Variants in WDR4 observed in about 807,000 individuals in gnomAD.
WDR4 encodes the protein WDR4 tRNA N7-guanosine methyltransferase non-catalytic subunit, also known as tRNA (guanine-N(7)-)-methyltransferase non-catalytic subunit WDR4.
A neutral mutation model predicts 48.6 loss-of-function variants in WDR4; 47 were observed. That is an observed-to-expected ratio of 0.97 (90% confidence interval 0.77 to 1.23). The LOEUF is 1.23. Among genes scored for constraint, WDR4 ranks in the 50% most tolerant of loss-of-function variants. The probability of loss-of-function intolerance (pLI) is 0.00; values close to 1 mark genes in which losing one functional copy is unlikely to be tolerated. For synonymous variants in WDR4, 268 were observed against 230.0 expected (o/e 1.17, Z -1.49); for missense variants, 606 against 551.6 (o/e 1.10, Z -0.99).
chr21:42,845,719 C>G (rs988011208), downstream of WDR4, among the ~76,000 whole-genome samples: 2 of 152,224 alleles, frequency 1.3e-5, no homozygotes, highest in Admixed American at 1.3e-4. Context: ...GCGTTTTCCA[C>G]GCTGGGGTCG....
upstream of WDR4, among the ~76,000 whole-genome samples, chr21:42,882,466 G>C (rs893535789): frequency 1.3e-5 from 2 of 151,514 alleles, no homozygotes; most frequent in African/African-American, 4.8e-5. Flanking sequence ...AGAAGGCTGA[G>C]GCAGGAGAAT....
intron 2 of WDR4, 96 bp from the exon 3 acceptor site, chr21:42,873,787 G>A (rs1162697475): frequency 6.9e-7 from 1 of 1,458,296 alleles, no homozygotes; most frequent in Non-Finnish European, 9.3e-7. Context: ...ATGGGAGGAG[G>A]TAGAAACTGT....
intron 10 of WDR4, among the ~76,000 whole-genome samples, chr21:42,850,974 G>A (rs2057811489): frequency 6.6e-6 from 1 of 152,146 alleles, no homozygotes; most frequent in African/African-American, 2.4e-5. Context: ...AGCAGGTGGC[G>A]CAGCCTCCCC....
chr21:42,867,997 G>T (rs559900026), intron 3 of WDR4, among the ~76,000 whole-genome samples: 8 of 152,004 alleles, frequency 5.3e-5, no homozygotes, highest in African/African-American at 1.9e-4. Flanking sequence ...CCCCCCACCC[G>T]CCCAGCCTGC....
In WDR4 at chr21:42,862,167, G is replaced by T; in HGVS notation, c.566+115C>A. On this transcript the variant is annotated intron_variant, in intron 5 of 10. Coordinates refer to ENST00000398208, the MANE Select transcript of WDR4 (RefSeq NM_018669.6). The surrounding 1 kb of genome is among the most constrained non-coding windows in gnomAD (Gnocchi z 4.3). ...CAGTGACCAAACACCAAGCACGGGG[G>T]CTGCTGTCACCCGCGTGGGGCCTCG... The T allele has an allele frequency of 1.1e-6, 1 of 893,934 alleles. No homozygotes were observed. Among genetic ancestry groups the T allele is most frequent in the Non-Finnish European group, 1.7e-6 (1 of 587,656 alleles). The allele number at this position is 893,934 out of a possible 1,614,324, so 55.4% of individuals were successfully genotyped here. A position where few individuals can be genotyped will look rare whatever the true frequency, so the allele number is the denominator to read the frequency against.
downstream of WDR4, among the ~76,000 whole-genome samples, chr21:42,848,504 A>ACCTCACACAGCACACGATCACG (rs1555970005): frequency 1.4e-4 from 2 of 13,882 alleles, no homozygotes; most frequent in East Asian, 1.6e-3. Context: ...GCACGATCAC[A>ACCTCACACAGCACACGATCACG]CGGCGCGCAC....
upstream of WDR4, among the ~76,000 whole-genome samples, chr21:42,881,825 G>A (rs180802707): frequency 1.1e-4 from 16 of 151,760 alleles, 1 homozygote; most frequent in East Asian, 1.9e-3. Context: ...TTTTTTTGAG[G>A]CGGAGTTTCA....
chr21:42,859,983 C>T (rs939555654), intron 5 of WDR4, among the ~76,000 whole-genome samples: 3 of 152,118 alleles, frequency 2.0e-5, no homozygotes, highest in South Asian at 4.1e-4. Flanking sequence ...TAACCCAGGC[C>T]GCTCCTCAGC....
chr21:42,852,473 G>C, intron 9 of WDR4, 149 bp from the exon 10 acceptor site: 1 of 820,100 alleles, frequency 1.2e-6, no homozygotes, highest in Admixed American at 2.7e-5. Context: ...TGGAGACCTG[G>C]GGAGGCAGCC....
the WDR4 span, among the ~76,000 whole-genome samples, chr21:42,891,530 A>C: frequency 6.6e-6 from 1 of 152,064 alleles, no homozygotes; most frequent in African/African-American, 2.4e-5. Context: ...TCCATGAAGG[A>C]GGGTGACGTG....
At position 42,862,263 on chromosome 21, in the gene WDR4, G is replaced by A. The variant is rs770174377; in HGVS notation, c.566+19C>T. The A allele has an allele frequency of 4.4e-6, 7 of 1,581,878 alleles. No homozygotes were observed. The highest frequency in any genetic ancestry group is 8.6e-7 in the Non-Finnish European group (1 of 1,161,778). On this transcript the variant is annotated intron_variant, in intron 5 of 10. Transcript: ENST00000398208. This position sits in a 1 kb window ranked among gnomAD's most constrained non-coding sequence, Gnocchi z 4.3. The stretch of plus-strand genomic sequence containing the variant: ...AAACAGACCTTCTTTCTGCTGGAGG[G>A]GCAGGAAGGGGCACTCACTCTGTGT...
chr21:42,859,871 T>C (rs987271407), intron 5 of WDR4, 149 bp from the exon 6 acceptor site: 7 of 816,346 alleles, frequency 8.6e-6, no homozygotes, highest in African/African-American at 1.7e-5. Flanking sequence ...GGGAAGTAGC[T>C]GTTAACCCTA....
intron 3 of WDR4, among the ~76,000 whole-genome samples, chr21:42,868,942 G>A (rs1360789457): frequency 1.3e-5 from 2 of 152,242 alleles, no homozygotes; most frequent in Non-Finnish European, 2.9e-5. Context: ...TTTGAGCAGT[G>A]GAACAGTGCA....
Position 42,862,445 on chromosome 21 carries a change from GAATC to G in WDR4, c.454-55_454-52del. On this transcript the variant is annotated intron_variant, in intron 4 of 10. Transcript: ENST00000398208. The surrounding 1 kb of genome is among the most constrained non-coding windows in gnomAD (Gnocchi z 4.3). Reference sequence around the variant, plus strand: ...AAAAGCCGCTCACCTGAGTCTTCCCGAATCAAGTCCCTCATGGAAGAAGGCAGGG... The same window carrying G: ...AAAAGCCGCTCACCTGAGTCTTCCCGAAGTCCCTCATGGAAGAAGGCAGGG... The G allele has an allele frequency of 6.7e-7, 1 of 1,501,268 alleles. No individual in the cohort carries two copies. The highest frequency in any genetic ancestry group is 9.1e-7 in the Non-Finnish European group (1 of 1,104,786). 93.0% of individuals were successfully genotyped at this position (1,501,268 alleles called of 1,614,324 possible).
intron 5 of WDR4, among the ~76,000 whole-genome samples, chr21:42,861,759 A>G (rs577031159): frequency 6.6e-6 from 1 of 152,338 alleles, no homozygotes; most frequent in Admixed American, 6.5e-5. Context: ...CATTTCAGCC[A>G]ATTACACTAA....
chr21:42,869,883 C>G (rs1262634844), intron 3 of WDR4, among the ~76,000 whole-genome samples: 1 of 151,830 alleles, frequency 6.6e-6, no homozygotes, highest in African/African-American at 2.4e-5. Context: ...CGTGGTGGTG[C>G]ATGCCTGTAA....
At chr21:42,848,185 T>C (rs1438959426), downstream of WDR4, among the ~76,000 whole-genome samples, 2 of 152,204 alleles carry the variant, frequency 1.3e-5, no homozygotes, top group Admixed American at 1.3e-4. Flanking sequence ...AGCATGAACC[T>C]GTTCCTGTGT....
intron 1 of WDR4, chr21:42,878,925 C>A: frequency 1.0e-6 from 1 of 984,092 alleles, no homozygotes; most frequent in Non-Finnish European, 1.2e-6. Flanking sequence ...AACAGACAAC[C>A]CTGCAAAAAG....
At chr21:42,885,940 TCCCA>T in the WDR4 span, among the ~76,000 whole-genome samples, 1 of 149,074 alleles carries the variant, frequency 6.7e-6, no homozygotes, top group Non-Finnish European at 1.5e-5. Context: ...CAGGCAATCC[TCCCA>T]CCTCAGCATA....
Sources: gnomAD v4.1 joint callset for allele counts (sites outside exome capture counted in the v4.1 genomes callset) on GRCh38, gnomAD v4.1.1 for gene constraint, Gnocchi (gnomAD v3.1) non-coding constraint, MANE v1.5 for transcripts, NCBI Gene and HGNC (gene_info 2026-07-23, HGNC 2026-07-21) for gene names.